NCAPD2: variants seen among roughly 807,000 people sequenced by gnomAD.
NCAPD2 encodes non-SMC condensin I complex subunit D2, also known as condensin complex subunit 1.
A neutral mutation model predicts 164.5 loss-of-function variants in NCAPD2; 100 were observed. The observed-to-expected ratio is 0.61, with a 90% confidence interval of 0.52 to 0.72. The LOEUF is 0.72. NCAPD2 is among the 30% of genes least tolerant of loss of function. The pLI is 0.00. For synonymous variants in NCAPD2, 585 were observed against 642.6 expected, an observed-to-expected ratio of 0.91 and a Z score of 1.36; for missense variants, 1,560 against 1,749.2, an observed-to-expected ratio of 0.89 and a Z score of 1.93.
chr12:6,496,511 ACT>A (rs1311035070), intron 2 of NCAPD2, among the ~76,000 whole-genome samples: 1 of 151,966 alleles, frequency 6.6e-6, no homozygotes, highest in African/African-American at 2.4e-5. Context: ...TGCAGCCTCA[ACT>A]TCCCAGACTC....
At chr12:6,527,497 C>G (rs1257123314) in intron 22 of NCAPD2, among the ~76,000 whole-genome samples, 1 of 152,218 alleles carries the variant, frequency 6.6e-6, no homozygotes, top group African/African-American at 2.4e-5. Flanking sequence ...GACTTTGAAC[C>G]ATTGTCTGGC....
In NCAPD2 at chr12:6,530,975, C is replaced by T. The variant is rs1278156529; in HGVS notation, c.4019C>T (p.Pro1340Leu). The T allele has an allele frequency of 1.9e-6, 3 of 1,614,054 alleles. No individual in the cohort carries two copies. Among genetic ancestry groups the T allele is most frequent in the Non-Finnish European group, 2.5e-6 (3 of 1,180,052 alleles). Residue 1340 changes from proline (P) to leucine (L), a missense_variant, in exon 31 of 32, where the codon CCA (proline) becomes CTA (leucine). By Grantham distance (98) the Pro-to-Leu change is moderately conservative (BLOSUM62 -3). Coordinates refer to ENST00000315579, the MANE Select transcript of NCAPD2 (RefSeq NM_014865.4). The part of the protein sequence containing the change: ...STASDNDFVT[P>L]EPRRTTRRHP... ...GCCTCAGACAATGACTTTGTCACAC[C>T]AGAGCCCCGCCGTACTACCCGTCGG...
intron 2 of NCAPD2, among the ~76,000 whole-genome samples, chr12:6,501,664 T>A (rs1339257998): frequency 6.6e-6 from 1 of 152,122 alleles, no homozygotes; most frequent in Non-Finnish European, 1.5e-5. Flanking sequence ...AGACAGCACT[T>A]AAAGCCATGA....
chr12:6,529,270 T>A, intron 27 of NCAPD2: 1 of 611,812 alleles, frequency 1.6e-6, no homozygotes, highest in Non-Finnish European at 2.9e-6. Flanking sequence ...AGACATACAG[T>A]AGCACTCACT....
Position 6,530,996 on chromosome 12 carries a change from G to A in NCAPD2, c.4040G>A (p.Arg1347His), listed in dbSNP as rs140382418. ...FVTPEPRRTT[R>H]RHPNTQQRAS... ...ACACCAGAGCCCCGCCGTACTACCCGTCGGCATCCAAACACCCAGCAGCGA... is the reference window on the plus strand; with the variant it reads ...ACACCAGAGCCCCGCCGTACTACCCATCGGCATCCAAACACCCAGCAGCGA... Residue 1347 changes from arginine (R) to histidine (H), a missense_variant, in exon 31 of 32, where the codon CGT (arginine) becomes CAT (histidine). By Grantham distance (29) the Arg-to-His change is conservative. Coordinates refer to ENST00000315579, the MANE Select transcript of NCAPD2 (RefSeq NM_014865.4). 6.1e-5 allele frequency: 98 copies of A among 1,614,112 alleles called. No homozygotes were observed. The Middle Eastern group carries it at 1.7e-3, about 27-fold the overall frequency.
In NCAPD2 at chr12:6,526,371, G is replaced by A; in HGVS notation, c.2566G>A (p.Gly856Ser). The change falls in exon 20 of 32, where the codon GGC becomes AGC. Residue 856 changes from glycine to serine, a missense_variant and splice_region_variant. Transcript: ENST00000315579. ...GCGACTGCGGGAGACAGTCACAAAA[G>A]GTGAGCTCTCAGGGAAGGCCTTGGG... The part of the protein sequence containing the change: ...FERLRETVTK[G>S]FVHPDPLWIP... The A allele has an allele frequency of 6.2e-7, 1 of 1,614,168 alleles. No individual in the cohort carries two copies.
chr12:6,522,035 C>T lies in NCAPD2; in HGVS notation c.1952C>T (p.Thr651Ile). The T allele has an allele frequency of 6.2e-7, 1 of 1,613,680 alleles. No homozygotes were observed. Among genetic ancestry groups the T allele is most frequent in the South Asian group, 1.1e-5 (1 of 91,066 alleles). Reference sequence around the variant, plus strand: ...AAGATGATGTATGAAAACACAACTACAGGTATGCCAGAGTCCCTTTCTATA... The same window carrying T: ...AAGATGATGTATGAAAACACAACTATAGGTATGCCAGAGTCCCTTTCTATA... ...ISKMMYENTT[T>I]VVQEVIEFFV... is the part of the protein sequence containing the mutation. The change falls in exon 15 of 32, where the codon ACA becomes ATA. Residue 651 changes from threonine to isoleucine, a missense_variant and splice_region_variant. Thr to Ile is a moderately conservative substitution (Grantham distance 89). Coordinates refer to ENST00000315579, the MANE Select transcript of NCAPD2 (RefSeq NM_014865.4).
At chr12:6,518,503 A>G (rs1405044038) in intron 13 of NCAPD2, among the ~76,000 whole-genome samples, 3 of 30,714 alleles carry the variant, frequency 9.8e-5, no homozygotes. Context: ...GCCGTCAACA[A>G]GTTTTTTTTT....
rs1565543899 is a variant in NCAPD2, at chr12:6,517,862, C to A, written c.1492C>A (p.Gln498Lys). Reference sequence around the variant, plus strand: ...CCTGCAGCAGCTTCTACAGCTTCCCCAGGGAGAGGAGGAGATTCCTGAGCA... The same window carrying A: ...CCTGCAGCAGCTTCTACAGCTTCCCAAGGGAGAGGAGGAGATTCCTGAGCA... ...STLQQLLQLP[Q>K]GEEEIPEQIA... The change falls in exon 13 of 32, where the codon CAG (glutamine) becomes AAG (lysine). Residue 498 changes from glutamine to lysine, a missense_variant. Coordinates refer to ENST00000315579, the MANE Select transcript of NCAPD2 (RefSeq NM_014865.4). 1 of 1,614,096 alleles carries A rather than the reference C, an allele frequency of 6.2e-7. No individual in the cohort carries two copies. The highest frequency in any genetic ancestry group is 2.2e-5 in the East Asian group (1 of 44,886).
rs1565548087 is a variant in NCAPD2 at position 6,529,763 on chromosome 12, TC to T, written c.3654-10del. ...ATCTCCCAGTTCCTCACAAAGCCCT[TC>T]CTATCTGCAGAACTGAGCGGCAGCA... On this transcript the variant is annotated splice_polypyrimidine_tract_variant and intron_variant, in intron 28 of 31. Coordinates refer to ENST00000315579, the MANE Select transcript of NCAPD2 (RefSeq NM_014865.4). 1.2e-6 allele frequency: 2 copies of T among 1,607,964 alleles called. No homozygotes were observed. Among genetic ancestry groups the T allele is most frequent in the Admixed American group, 3.3e-5 (2 of 59,798 alleles).
chr12:6,528,881 G>T lies in NCAPD2; in HGVS notation c.3477+25G>T. 1 of 1,612,978 alleles carries T rather than the reference G, an allele frequency of 6.2e-7. No individual in the cohort carries two copies. The highest frequency in any genetic ancestry group is 8.5e-7 in the Non-Finnish European group (1 of 1,178,992). On this transcript the variant is annotated intron_variant, in intron 26 of 31. Transcript: ENST00000315579. This position sits in a 1 kb window ranked among gnomAD's most constrained non-coding sequence, Gnocchi z 5.1. Reference sequence around the variant, plus strand: ...GGTGAGAGGCAGAGAGGCACTGAGGGCTGGCTGCAGAGGGAATCTGTAGGT... The same window carrying T: ...GGTGAGAGGCAGAGAGGCACTGAGGTCTGGCTGCAGAGGGAATCTGTAGGT...
rs1946339577 is a variant in NCAPD2 at position 6,528,631 on chromosome 12, G to T, written c.3300-48G>T. ...GAGGGCCTTTTCTACCAGTGTTAGG[G>T]TGTAGCCCGGAGGTCTCGGTCCCCA... On this transcript the variant is annotated intron_variant, in intron 25 of 31. Coordinates refer to ENST00000315579, the MANE Select transcript of NCAPD2 (RefSeq NM_014865.4). The surrounding 1 kb of genome is among the most constrained non-coding windows in gnomAD (Gnocchi z 5.1). The T allele has an allele frequency of 6.3e-7, 1 of 1,577,194 alleles. No individual in the cohort carries two copies. The highest frequency in any genetic ancestry group is 1.3e-5 in the African/African-American group (1 of 74,428).
rs752250325 is a variant in NCAPD2, at chr12:6,526,115, T to C, written c.2396T>C (p.Ile799Thr). The change falls in exon 19 of 32, where the codon ATA (isoleucine) becomes ACA (threonine). Residue 799 changes from isoleucine to threonine, a missense_variant. Transcript: ENST00000315579. ...AGCAATTTAGACACACTGGTGAGCA[T>C]AGGGCTGGATGAGAAGTTTCCACAG... is the stretch of plus-strand genomic sequence containing the variant. ...VGSNLDTLVS[I>T]GLDEKFPQDY... The C allele has an allele frequency of 3.1e-6, 5 of 1,614,116 alleles. No individual in the cohort carries two copies. The highest frequency in any genetic ancestry group is 1.7e-5 in the Admixed American group (1 of 60,014).
chr12:6,508,614 A>G (rs1389028319), intron 2 of NCAPD2, among the ~76,000 whole-genome samples: 1 of 152,236 alleles, frequency 6.6e-6, no homozygotes, highest in Non-Finnish European at 1.5e-5. Context: ...ACACCACAGC[A>G]GTAATTGTGG....
intron 2 of NCAPD2, among the ~76,000 whole-genome samples, chr12:6,499,785 C>T (rs1343001289): frequency 6.6e-6 from 1 of 152,102 alleles, no homozygotes; most frequent in Non-Finnish European, 1.5e-5. Flanking sequence ...TGGTGAGGAC[C>T]ACTGTGTGTA....
intron 2 of NCAPD2, among the ~76,000 whole-genome samples, chr12:6,505,375 C>CAGTT (rs1295836754): frequency 6.6e-6 from 1 of 152,168 alleles, no homozygotes; most frequent in East Asian, 1.9e-4. Context: ...CTGCCATATG[C>CAGTT]AGTTTACTGG....
In NCAPD2 at chr12:6,504,206, T is replaced by TAG. The variant is rs1345172579; in HGVS notation, c.128-5510_128-5509insGA. ...ACATATATATATATATATATATATA[T>TAG]ATATATATATAGATATAGATATATA... On this transcript the variant is annotated intron_variant, in intron 2 of 31. Coordinates refer to ENST00000315579, the MANE Select transcript of NCAPD2 (RefSeq NM_014865.4). Among the ~76,000 whole-genome samples, 34 of 25,234 alleles carry TAG rather than the reference T, an allele frequency of 1.3e-3. 1 individual carries two copies. Among genetic ancestry groups the TAG allele is most frequent in the African/African-American group, 3.5e-3 (10 of 2,838 alleles). The allele number at this position is 25,234 out of a possible 152,430, so 16.6% of individuals were successfully genotyped here. A position where few individuals can be genotyped will look rare whatever the true frequency, so the allele number is the denominator to read the frequency against.
At chr12:6,506,832 G>A (rs180856948) in intron 2 of NCAPD2, among the ~76,000 whole-genome samples, 1 of 152,258 alleles carries the variant, frequency 6.6e-6, no homozygotes, top group African/African-American at 2.4e-5. Context: ...GAGACAGAGT[G>A]AGACTTTGTC....
chr12:6,525,803 GTGAGGCCCAAC>G (rs1946311864), intron 18 of NCAPD2, 87 bp downstream of exon 18: 1 of 1,543,092 alleles, frequency 6.5e-7, no homozygotes, highest in Non-Finnish European at 8.8e-7. Flanking sequence ...CATTGTCACA[GTGAGGCCCAAC>G]TGAGCTCTGC....
Sources: allele counts gnomAD v4.1 joint callset (sites outside exome capture counted in the v4.1 genomes callset), GRCh38; gene constraint gnomAD v4.1.1; non-coding constraint Gnocchi (gnomAD v3.1); transcripts MANE v1.5; gene names NCBI Gene and HGNC (gene_info 2026-07-23, HGNC 2026-07-21).